The following TNFRSF19 variants were observed in gnomAD, a reference collection of about 807,000 sequenced individuals.
TNFRSF19 encodes the protein tumor necrosis factor receptor superfamily member 19.
TNFRSF19 carries 27 observed loss-of-function variants against 46.4 expected under a neutral mutation model. That is an observed-to-expected ratio of 0.58 (90% CI 0.43 to 0.80). The LOEUF (loss-of-function observed/expected upper bound fraction) is 0.80. TNFRSF19 is among the 30% of genes least tolerant of loss of function. The pLI is 0.00. For synonymous variants in TNFRSF19, 204 were observed against 205.0 expected (o/e 1.00, Z 0.04); for missense variants, 511 against 530.8 (o/e 0.96, Z 0.37).
intron 3 of TNFRSF19, among the ~76,000 whole-genome samples, chr13:23,609,210 C>T (rs1214338567): frequency 6.6e-6 from 1 of 152,134 alleles, no homozygotes; most frequent in Non-Finnish European, 1.5e-5. Flanking sequence ...TACAGGATTT[C>T]GATTTTGAAA....
intron 7 of TNFRSF19, among the ~76,000 whole-genome samples, chr13:23,665,912 C>T (rs1051965037): frequency 6.6e-6 from 1 of 152,136 alleles, no homozygotes; most frequent in Non-Finnish European, 1.5e-5. Flanking sequence ...CTCTTTTAAT[C>T]TGGAATTGTC....
intron 1 of TNFRSF19, among the ~76,000 whole-genome samples, chr13:23,579,834 C>A (rs71425107): frequency 0.057 from 8,689 of 152,064 alleles, 318 homozygotes; most frequent in South Asian, 0.089. Context: ...GTAAATAGAT[C>A]TGCTTGTGAG....
intron 4 of TNFRSF19, among the ~76,000 whole-genome samples, chr13:23,618,046 G>A (rs570785103): frequency 1.3e-5 from 2 of 152,310 alleles, no homozygotes; most frequent in Admixed American, 6.5e-5. Context: ...TGGGTCCCAC[G>A]TGGTCATATA....
intron 1 of TNFRSF19, among the ~76,000 whole-genome samples, chr13:23,585,745 G>T (rs554238723): frequency 6.1e-4 from 93 of 152,228 alleles, no homozygotes; most frequent in African/African-American, 1.3e-3. Flanking sequence ...AACTCCAGTG[G>T]CTGGGTTGGT....
chr13:23,667,367 C>G (rs1296440165), intron 7 of TNFRSF19, among the ~76,000 whole-genome samples: 2 of 152,032 alleles, frequency 1.3e-5, no homozygotes. Context: ...AGTGACATTC[C>G]TAGCAATAAA....
chr13:23,591,394 A>T (rs533968738), intron 2 of TNFRSF19, among the ~76,000 whole-genome samples: 9 of 152,272 alleles, frequency 5.9e-5, no homozygotes, highest in Non-Finnish European at 8.8e-5. Context: ...CGGAGGTTTC[A>T]GTGAGCTGAG....
intron 1 of TNFRSF19, among the ~76,000 whole-genome samples, chr13:23,588,602 C>T (rs1162521560): frequency 6.6e-6 from 1 of 152,150 alleles, no homozygotes; most frequent in Non-Finnish European, 1.5e-5. Flanking sequence ...TTTAATTCCA[C>T]CTAAATTACA....
chr13:23,659,313 A>C lies in TNFRSF19; in HGVS notation c.610+99A>C. 1 of 1,339,210 alleles carries C rather than the reference A, an allele frequency of 7.5e-7. No homozygotes were observed. Among genetic ancestry groups the C allele is most frequent in the South Asian group, 1.4e-5 (1 of 70,638 alleles). The allele number at this position is 1,339,210 out of a possible 1,614,324, so 83.0% of individuals were successfully genotyped here. On this transcript the variant is annotated intron_variant, in intron 6 of 9. Coordinates refer to ENST00000248484, the MANE Select transcript of TNFRSF19 (RefSeq NM_148957.4). The surrounding 1 kb of genome is among the most constrained non-coding windows in gnomAD (Gnocchi z 4.9). ...CACAAGAGACTTGGCTGAGACAAGCACCAGTGAGTTGTGAAAGAACGCAGG... is the reference window on the plus strand; with the variant it reads ...CACAAGAGACTTGGCTGAGACAAGCCCCAGTGAGTTGTGAAAGAACGCAGG...
intron 5 of TNFRSF19, among the ~76,000 whole-genome samples, chr13:23,654,474 G>A (rs1812283851): frequency 6.6e-6 from 1 of 152,108 alleles, no homozygotes; most frequent in Non-Finnish European, 1.5e-5. Flanking sequence ...ATGGGAAGGC[G>A]GAGGACCCCG....
Position 23,675,988 on chromosome 13 carries a change from T to G in TNFRSF19, c.*2608T>G, listed in dbSNP as rs1951824825. On this transcript the variant is annotated 3_prime_UTR_variant, in exon 10 of 10. Transcript: ENST00000248484. ...GTAGCTTATATCAATTTAGATTTCA[T>G]CATTACTATTTTGCATACTGGAATT... is the stretch of plus-strand genomic sequence containing the variant. 6.6e-6 allele frequency: 1 copy of G among 152,228 alleles called. No individual in the cohort carries two copies. The highest frequency in any genetic ancestry group is 2.1e-4 in the South Asian group (1 of 4,836). The allele number at this position is 152,228 out of a possible 1,614,324, so 9.4% of individuals were successfully genotyped here.
At chr13:23,631,671 AC>A (rs1178394548) in intron 5 of TNFRSF19, among the ~76,000 whole-genome samples, 1 of 152,226 alleles carries the variant, frequency 6.6e-6, no homozygotes, top group East Asian at 1.9e-4. Context: ...TTTAAACCAA[AC>A]AAAAACAAAT....
chr13:23,598,188 G>A (rs1431184667), intron 3 of TNFRSF19, among the ~76,000 whole-genome samples: 1 of 152,040 alleles, frequency 6.6e-6, no homozygotes, highest in African/African-American at 2.4e-5. Flanking sequence ...TGAACAATGA[G>A]AACACATGGA....
intron 3 of TNFRSF19, among the ~76,000 whole-genome samples, chr13:23,605,216 A>T (rs972721484): frequency 6.6e-6 from 1 of 152,222 alleles, no homozygotes; most frequent in South Asian, 2.1e-4. Context: ...AAGATCCTCC[A>T]TATAGTATGT....
At chr13:23,588,672 A>T (rs1480507750) in intron 1 of TNFRSF19, among the ~76,000 whole-genome samples, 2 of 152,204 alleles carry the variant, frequency 1.3e-5, no homozygotes, top group Non-Finnish European at 2.9e-5. Context: ...TCATGAAAGA[A>T]ATAACCTGAA....
intron 3 of TNFRSF19, among the ~76,000 whole-genome samples, chr13:23,600,408 A>G (rs1055057238): frequency 8.5e-5 from 13 of 152,276 alleles, no homozygotes; most frequent in Admixed American, 8.5e-4. Context: ...TAGGTTTGGA[A>G]AAGTCTGAGA....
At chr13:23,571,730 G>A (rs539505688) in intron 1 of TNFRSF19, among the ~76,000 whole-genome samples, 21 of 152,004 alleles carry the variant, frequency 1.4e-4, no homozygotes, top group African/African-American at 5.1e-4. Flanking sequence ...TTGCTGTACC[G>A]AATTTGAAAG....
intron 4 of TNFRSF19, among the ~76,000 whole-genome samples, chr13:23,620,719 G>A (rs1364352053): frequency 6.6e-6 from 1 of 152,178 alleles, no homozygotes; most frequent in Non-Finnish European, 1.5e-5. Context: ...AACTTGGCAT[G>A]ACTTTTTCAG....
chr13:23,609,495 C>G (rs1249854110), intron 3 of TNFRSF19, among the ~76,000 whole-genome samples: 1 of 152,218 alleles, frequency 6.6e-6, no homozygotes, highest in African/African-American at 2.4e-5. Flanking sequence ...ATCCTCCTCA[C>G]TCGTATTAAT....
chr13:23,603,519 A>G (rs1266485194), intron 3 of TNFRSF19, among the ~76,000 whole-genome samples: 26 of 152,080 alleles, frequency 1.7e-4, no homozygotes, highest in Admixed American at 1.7e-3. Context: ...CTTTACAAAG[A>G]AACTATAGAC....
Sources: gnomAD v4.1 joint callset for allele counts (sites outside exome capture counted in the v4.1 genomes callset) on GRCh38, gnomAD v4.1.1 for gene constraint, Gnocchi (gnomAD v3.1) non-coding constraint, MANE v1.5 for transcripts, NCBI Gene and HGNC (gene_info 2026-07-23, HGNC 2026-07-21) for gene names.